Variants in UNC5C observed in about 807,000 individuals in gnomAD.
UNC5C encodes the protein unc-5 netrin receptor C.
UNC5C carries 47 observed loss-of-function variants against 99.8 expected under a neutral mutation model. The observed-to-expected ratio is 0.47, with a 90% CI of 0.37 to 0.60. UNC5C has a LOEUF of 0.60. Among genes scored for constraint, UNC5C ranks in the 20% least tolerant of loss-of-function variants. UNC5C has a pLI of 0.00. For missense variants in UNC5C, 1,062 were observed against 1,165.9 expected (o/e 0.91, Z 1.30); for synonymous variants, 487 against 452.2 (o/e 1.08, Z -0.98).
rs1356307343 is a variant in UNC5C, at chr4:95,370,391, AC to A, written c.125-34761del. 2.0e-5 allele frequency among the ~76,000 whole-genome samples: 3 copies of A among 152,276 alleles called. No homozygotes were observed. In the East Asian group the frequency reaches 5.8e-4, roughly 29 times the overall value. Reference sequence around the variant, plus strand: ...ATAGCATCATCTAGAGAGAAAGTTTACTTTTGCTTATGTCACAGCATTGCCT... The same window carrying A: ...ATAGCATCATCTAGAGAGAAAGTTTATTTTGCTTATGTCACAGCATTGCCT... On this transcript the variant is annotated intron_variant, in intron 1 of 15. Coordinates refer to ENST00000453304, the MANE Select transcript of UNC5C (RefSeq NM_003728.4).
At chr4:95,436,467 T>C (rs1746794246) in intron 1 of UNC5C, among the ~76,000 whole-genome samples, 1 of 152,006 alleles carries the variant, frequency 6.6e-6, no homozygotes, top group Non-Finnish European at 1.5e-5. Context: ...TATTACACTG[T>C]GAGCTGTGCA....
At chr4:95,432,676 C>T (rs1002554269) in intron 1 of UNC5C, among the ~76,000 whole-genome samples, 5 of 151,976 alleles carry the variant, frequency 3.3e-5, no homozygotes, top group Non-Finnish European at 7.4e-5. Context: ...AATTAAATAC[C>T]CCTGATTTAC....
At chr4:95,316,150 G>A (rs1328065460) in intron 2 of UNC5C, among the ~76,000 whole-genome samples, 2 of 152,106 alleles carry the variant, frequency 1.3e-5, no homozygotes, top group Non-Finnish European at 2.9e-5. Flanking sequence ...CTAAAAGGAA[G>A]ATAGCATGAC....
At chr4:95,462,605 T>C (rs1560842175) in intron 1 of UNC5C, among the ~76,000 whole-genome samples, 2 of 152,200 alleles carry the variant, frequency 1.3e-5, no homozygotes, top group South Asian at 4.1e-4. Flanking sequence ...GATAAAGCTT[T>C]CTGAATGAAA....
At chr4:95,429,604 A>C (rs1231326712) in intron 1 of UNC5C, among the ~76,000 whole-genome samples, 3 of 152,140 alleles carry the variant, frequency 2.0e-5, no homozygotes, top group Non-Finnish European at 4.4e-5. Context: ...TTCCATTTCG[A>C]GGTGTTTGTA....
chr4:95,437,094 A>G (rs1746818481), intron 1 of UNC5C, among the ~76,000 whole-genome samples: 1 of 151,784 alleles, frequency 6.6e-6, no homozygotes. Flanking sequence ...AATCCAAACC[A>G]ATTAAGCAAA....
intron 1 of UNC5C, among the ~76,000 whole-genome samples, chr4:95,354,479 A>ATATTTTTT: frequency 9.1e-6 from 1 of 110,350 alleles, no homozygotes; most frequent in Non-Finnish European, 1.8e-5. Flanking sequence ...ATATATATAT[A>ATATTTTTT]TTTTTTTTTT....
At chr4:95,185,951 T>C (rs551824464) in intron 12 of UNC5C, among the ~76,000 whole-genome samples, 35 of 143,002 alleles carry the variant, frequency 2.4e-4, no homozygotes, top group Non-Finnish European at 4.9e-4. Context: ...AAAAATTTGC[T>C]ACATAATTTT....
chr4:95,232,263 A>G (rs1738941177), intron 7 of UNC5C, among the ~76,000 whole-genome samples: 2 of 150,214 alleles, frequency 1.3e-5, no homozygotes, highest in African/African-American at 4.9e-5. Context: ...TGTAAACTAT[A>G]TTATAAAACA....
At chr4:95,460,127 C>T (rs1578175504) in intron 1 of UNC5C, among the ~76,000 whole-genome samples, 1 of 151,110 alleles carries the variant, frequency 6.6e-6, no homozygotes, top group Non-Finnish European at 1.5e-5. Flanking sequence ...CCAGCAAGTA[C>T]CTCCACTGGG....
chr4:95,493,448 C>T (rs993867703), intron 1 of UNC5C, among the ~76,000 whole-genome samples: 1 of 151,346 alleles, frequency 6.6e-6, no homozygotes, highest in African/African-American at 2.4e-5. Context: ...ATTGTGTACA[C>T]TCTATTTTTA....
At chr4:95,236,994 T>C (rs996184234) in intron 7 of UNC5C, among the ~76,000 whole-genome samples, 5 of 152,198 alleles carry the variant, frequency 3.3e-5, no homozygotes, top group Admixed American at 1.3e-4. Flanking sequence ...AAGTCCCTTA[T>C]GTAAAATGGC....
At chr4:95,410,741 T>C (rs1323305913) in intron 1 of UNC5C, among the ~76,000 whole-genome samples, 2 of 152,150 alleles carry the variant, frequency 1.3e-5, no homozygotes, top group Non-Finnish European at 2.9e-5. Flanking sequence ...CTAGAGATGA[T>C]GGCCTTCTGC....
At chr4:95,461,236 A>G (rs967880135) in intron 1 of UNC5C, among the ~76,000 whole-genome samples, 1 of 152,194 alleles carries the variant, frequency 6.6e-6, no homozygotes, top group Admixed American at 6.5e-5. Flanking sequence ...GCAATGTATA[A>G]TAATTCACTT....
At chr4:95,489,501 C>T (rs945317956) in intron 1 of UNC5C, among the ~76,000 whole-genome samples, 2 of 151,744 alleles carry the variant, frequency 1.3e-5, no homozygotes, top group Middle Eastern at 3.4e-3. Context: ...AGTCACTGAC[C>T]TACTATAGAT....
chr4:95,250,380 G>A (rs1739653050), intron 5 of UNC5C, 107 bp downstream of exon 5: 1 of 1,230,982 alleles, frequency 8.1e-7, no homozygotes, highest in East Asian at 2.4e-5. Context: ...GCAAGACCCT[G>A]TCTCAAATAA....
chr4:95,493,872 A>T (rs1721566967), intron 1 of UNC5C, among the ~76,000 whole-genome samples: 1 of 151,490 alleles, frequency 6.6e-6, no homozygotes, highest in South Asian at 2.1e-4. Context: ...TCTGAAGGCA[A>T]ATGATAGATA....
chr4:95,492,363 A>G (rs1377188007), intron 1 of UNC5C, among the ~76,000 whole-genome samples: 1 of 151,310 alleles, frequency 6.6e-6, no homozygotes, highest in Non-Finnish European at 1.5e-5. Context: ...TGTCGTATCA[A>G]TTTTTGAATA....
chr4:95,176,620 C>G (rs1213536821), intron 14 of UNC5C, among the ~76,000 whole-genome samples: 11 of 152,112 alleles, frequency 7.2e-5, no homozygotes, highest in Non-Finnish European at 1.0e-4. Flanking sequence ...CAGCTGCGTG[C>G]TGGGAGAACC....
Sources: gnomAD v4.1 joint callset for allele counts (sites outside exome capture counted in the v4.1 genomes callset) on GRCh38, gnomAD v4.1.1 for gene constraint, MANE v1.5 for transcripts, NCBI Gene and HGNC (gene_info 2026-07-23, HGNC 2026-07-21) for gene names.